TMEM132D: variants seen among roughly 807,000 people sequenced by gnomAD.
The protein encoded by TMEM132D is transmembrane protein 132D.
TMEM132D carries 21 observed loss-of-function variants against 62.3 expected under a neutral mutation model. That is an observed-to-expected ratio of 0.34 (90% CI 0.24 to 0.49). TMEM132D has a LOEUF of 0.49. TMEM132D is among the 20% of genes least tolerant of loss of function. The pLI, the probability that TMEM132D is intolerant of heterozygous loss-of-function variation, is 0.99. For synonymous variants in TMEM132D, 621 were observed against 575.6 expected (o/e 1.08, Z -1.13); for missense variants, 1,346 against 1,402.8 (o/e 0.96, Z 0.65).
intron 5 of TMEM132D, among the ~76,000 whole-genome samples, chr12:129,137,722 T>A (rs1411573334): frequency 1.3e-5 from 2 of 152,048 alleles, no homozygotes; most frequent in Admixed American, 6.6e-5. Flanking sequence ...AATGTAGATC[T>A]GTGGCTGGAG....
intron 2 of TMEM132D, among the ~76,000 whole-genome samples, chr12:129,649,500 C>A (rs1406536972): frequency 6.6e-6 from 1 of 152,124 alleles, no homozygotes; most frequent in Non-Finnish European, 1.5e-5. Flanking sequence ...ACTCTACCAT[C>A]TTTGCAAAAT....
chr12:129,595,899 A>G (rs896402788), intron 2 of TMEM132D, among the ~76,000 whole-genome samples: 3 of 152,208 alleles, frequency 2.0e-5, no homozygotes, highest in African/African-American at 7.2e-5. Flanking sequence ...TATGCTGTAC[A>G]CGTTTTGTAA....
At chr12:129,609,078 T>C (rs1364295859) in intron 2 of TMEM132D, among the ~76,000 whole-genome samples, 1 of 151,950 alleles carries the variant, frequency 6.6e-6, no homozygotes, top group Non-Finnish European at 1.5e-5. Context: ...GTAGCTGCAA[T>C]TGCAGGTGCC....
intron 5 of TMEM132D, among the ~76,000 whole-genome samples, chr12:129,189,680 T>C (rs1878329154): frequency 6.6e-6 from 1 of 152,136 alleles, no homozygotes; most frequent in African/African-American, 2.4e-5. Flanking sequence ...CTGAAGAAGT[T>C]AGTCCACAAG....
At chr12:129,472,011 A>G (rs1293988412) in intron 3 of TMEM132D, among the ~76,000 whole-genome samples, 2 of 152,234 alleles carry the variant, frequency 1.3e-5, no homozygotes, top group Admixed American at 1.3e-4. Flanking sequence ...TCCATGACAT[A>G]AAAGTGCAAA....
chr12:129,289,266 G>A (rs73148862), intron 4 of TMEM132D, among the ~76,000 whole-genome samples: 5,512 of 152,208 alleles, frequency 0.036, 313 homozygotes, highest in East Asian at 0.25. Flanking sequence ...TGCCCTGGCC[G>A]GGCGCCATGG....
intron 5 of TMEM132D, among the ~76,000 whole-genome samples, chr12:129,205,878 A>G (rs1878836133): frequency 6.6e-6 from 1 of 152,170 alleles, no homozygotes; most frequent in Admixed American, 6.5e-5. Context: ...ACTCAAAATC[A>G]TAAAATTACA....
At chr12:129,380,785 C>T (rs1178151986) in intron 3 of TMEM132D, among the ~76,000 whole-genome samples, 1 of 152,098 alleles carries the variant, frequency 6.6e-6, no homozygotes, top group Non-Finnish European at 1.5e-5. Context: ...AACTCCACCC[C>T]ATTTCAAAAA....
At chr12:129,120,717 A>G (rs1855813383) in intron 5 of TMEM132D, among the ~76,000 whole-genome samples, 1 of 152,220 alleles carries the variant, frequency 6.6e-6, no homozygotes, top group Non-Finnish European at 1.5e-5. Flanking sequence ...GGCTTTAACA[A>G]TTGCATGATT....
At chr12:129,765,855 T>C (rs1870533543) in intron 1 of TMEM132D, among the ~76,000 whole-genome samples, 1 of 152,188 alleles carries the variant, frequency 6.6e-6, no homozygotes, top group African/African-American at 2.4e-5. Context: ...TTGAAGATCT[T>C]CTTTTAACAT....
chr12:129,679,910 G>A (rs908727242), intron 2 of TMEM132D, among the ~76,000 whole-genome samples: 4 of 151,994 alleles, frequency 2.6e-5, no homozygotes, highest in Non-Finnish European at 2.9e-5. Flanking sequence ...TAAATGGGCT[G>A]CCATCTTCAT....
intron 1 of TMEM132D, among the ~76,000 whole-genome samples, chr12:129,745,654 C>T: frequency 6.6e-6 from 1 of 152,204 alleles, no homozygotes; most frequent in Admixed American, 6.5e-5. Flanking sequence ...GGGTCTGATG[C>T]TTAGGACTGT....
intron 3 of TMEM132D, among the ~76,000 whole-genome samples, chr12:129,514,628 T>C (rs898407496): frequency 1.6e-4 from 24 of 152,238 alleles, no homozygotes; most frequent in African/African-American, 5.8e-4. Flanking sequence ...CGAACATTCA[T>C]CTTTGCATCC....
Position 129,371,921 on chromosome 12 carries a change from C to T in TMEM132D, c.1116-34104G>A, listed in dbSNP as rs1870615567. Among the ~76,000 whole-genome samples the T allele has an allele frequency of 6.6e-6, 1 of 152,120 alleles. No homozygotes were observed. The highest frequency in any genetic ancestry group is 2.4e-5 in the African/African-American group (1 of 41,434). On this transcript the variant is annotated intron_variant, in intron 3 of 8. Coordinates refer to ENST00000422113, the MANE Select transcript of TMEM132D (RefSeq NM_133448.3). The surrounding 1 kb of genome is among the most constrained non-coding windows in gnomAD (Gnocchi z 4.3). The stretch of plus-strand genomic sequence containing the variant: ...TACAGCCCAGATCCTGAGATGCCAG[C>T]ATTCTTGTTGTTGTGATAGTTAGCA...
intron 3 of TMEM132D, among the ~76,000 whole-genome samples, chr12:129,432,304 T>C (rs538965779): frequency 2.9e-5 from 1 of 34,650 alleles, no homozygotes; most frequent in African/African-American, 1.4e-4. Context: ...GATGGATGGA[T>C]GGATGGATGG....
In TMEM132D at chr12:129,774,042, C is replaced by A. The variant is rs944805655; in HGVS notation, c.80-73344G>T. Among the ~76,000 whole-genome samples the A allele has an allele frequency of 2.6e-5, 4 of 152,254 alleles. No individual in the cohort carries two copies. In the South Asian group the frequency reaches 8.3e-4, roughly 32 times the overall value. ...ATTCTAAGATGGTGGTTGTGGAAACCATGGTGAACCAAAAAGCAGGAGGCT... is the reference window on the plus strand; with the variant it reads ...ATTCTAAGATGGTGGTTGTGGAAACAATGGTGAACCAAAAAGCAGGAGGCT... On this transcript the variant is annotated intron_variant, in intron 1 of 8. Coordinates refer to ENST00000422113, the MANE Select transcript of TMEM132D (RefSeq NM_133448.3).
intron 5 of TMEM132D, among the ~76,000 whole-genome samples, chr12:129,198,946 G>A (rs1251455575): frequency 6.6e-6 from 1 of 151,832 alleles, no homozygotes; most frequent in Non-Finnish European, 1.5e-5. Flanking sequence ...AATTAAAACA[G>A]AAAATATGTG....
At position 129,739,470 on chromosome 12, in the gene TMEM132D, T is replaced by A. The variant is rs146460973; in HGVS notation, c.80-38772A>T. Among the ~76,000 whole-genome samples, 572 of 152,302 alleles carry A rather than the reference T, an allele frequency of 3.8e-3. 4 individuals carry two copies. The highest frequency in any genetic ancestry group is 6.9e-3 in the Non-Finnish European group (469 of 68,032). The stretch of plus-strand genomic sequence containing the variant: ...TGGATGCACGCTGGCCTACCTCAGC[T>A]TCTCTTCTGTCTCTCTCTAACAAAA... On this transcript the variant is annotated intron_variant, in intron 1 of 8. Transcript: ENST00000422113.
At chr12:129,190,848 T>C (rs1357613347) in intron 5 of TMEM132D, among the ~76,000 whole-genome samples, 2 of 152,140 alleles carry the variant, frequency 1.3e-5, no homozygotes, top group East Asian at 3.9e-4. Context: ...TCTGAGCCCA[T>C]ATCCTAGCTC....
Sources: allele counts gnomAD v4.1 joint callset (sites outside exome capture counted in the v4.1 genomes callset), GRCh38; gene constraint gnomAD v4.1.1; non-coding constraint Gnocchi (gnomAD v3.1); transcripts MANE v1.5; gene names NCBI Gene and HGNC (gene_info 2026-07-23, HGNC 2026-07-21).